Variants in SFMBT2 observed in about 807,000 individuals in gnomAD.
SFMBT2 encodes Scm like with four mbt domains 2.
Under a neutral mutation model 110.1 loss-of-function variants are expected in SFMBT2, and 38 were observed. The ratio of observed to expected loss-of-function variants is 0.35; its 90% CI spans 0.27 to 0.45. The LOEUF is 0.45. Ranked by LOEUF, SFMBT2 falls within the 20% of genes least tolerant of loss-of-function variation. The pLI, the probability that SFMBT2 is intolerant of heterozygous loss-of-function variation, is 1.00. For missense variants in SFMBT2, 1,011 were observed against 1,094.9 expected, an observed-to-expected ratio of 0.92 and a Z score of 1.08; for synonymous variants, 425 against 425.4, an observed-to-expected ratio of 1.00 and a Z score of 0.01.
chr10:7,187,648 T>C (rs900287514), intron 16 of SFMBT2, among the ~76,000 whole-genome samples: 8 of 152,230 alleles, frequency 5.3e-5, no homozygotes, highest in African/African-American at 1.7e-4. Context: ...GCAATGAATG[T>C]TGAGTGTGGC....
Position 7,366,582 on chromosome 10 carries a change from A to G in SFMBT2, c.436+1067T>C, listed in dbSNP as rs142205459. ...AAACAGGCAGCTAGCTACGAAGAGG[A>G]CACCACACACATTTGCAAGGTGGCA... On this transcript the variant is annotated intron_variant, in intron 4 of 20. Coordinates refer to ENST00000397167, the MANE Select transcript of SFMBT2 (RefSeq NM_001387889.1). 3.2e-3 allele frequency among the ~76,000 whole-genome samples: 484 copies of G among 152,302 alleles called. 1 individual carries two copies. Among genetic ancestry groups the G allele is most frequent in the African/African-American group, 0.011 (458 of 41,568 alleles).
intron 7 of SFMBT2, among the ~76,000 whole-genome samples, chr10:7,272,401 A>C (rs993276401): frequency 6.6e-6 from 1 of 152,228 alleles, no homozygotes; most frequent in Non-Finnish European, 1.5e-5. Context: ...GCTGAGCACC[A>C]ACACAGTGGC....
chr10:7,253,343 T>C (rs1840876637), intron 7 of SFMBT2, among the ~76,000 whole-genome samples: 1 of 152,218 alleles, frequency 6.6e-6, no homozygotes, highest in African/African-American at 2.4e-5. Flanking sequence ...GACTTGTAAC[T>C]GGCATCAAAG....
At chr10:7,168,386 T>C (rs1174653837) in intron 20 of SFMBT2, among the ~76,000 whole-genome samples, 1 of 152,212 alleles carries the variant, frequency 6.6e-6, no homozygotes, top group East Asian at 1.9e-4. Context: ...TAACTAAATT[T>C]TTTTTTATTG....
In SFMBT2 at chr10:7,266,175, C is replaced by T. The variant is rs189991140; in HGVS notation, c.870+10717G>A. ...CATGATCTCAGCTCACTGCAACCTC[C>T]GCCTCCCGGGTTCAAGCGATTCTCC... On this transcript the variant is annotated intron_variant, in intron 7 of 20. Coordinates refer to ENST00000397167, the MANE Select transcript of SFMBT2 (RefSeq NM_001387889.1). Among the ~76,000 whole-genome samples the T allele has an allele frequency of 3.0e-4, 45 of 152,026 alleles. No homozygotes were observed. In the East Asian group the frequency reaches 7.6e-3, roughly 26 times the overall value.
At position 7,170,816 on chromosome 10, in the gene SFMBT2, G is replaced by A. The variant is rs1300373424; in HGVS notation, c.2544+112C>T. On this transcript the variant is annotated intron_variant, in intron 20 of 20. Coordinates refer to ENST00000397167, the MANE Select transcript of SFMBT2 (RefSeq NM_001387889.1). This position sits in a 1 kb window ranked among gnomAD's most constrained non-coding sequence, Gnocchi z 4.6. ...AAGGGTCTCGCACACCTGCCGAGCA[G>A]CGCCGAAGAACCCCCTCGCAGGTGT... 1 of 1,314,998 alleles carries A rather than the reference G, an allele frequency of 7.6e-7. No individual in the cohort carries two copies. Among genetic ancestry groups the A allele is most frequent in the Non-Finnish European group, 1.1e-6 (1 of 941,500 alleles). 81.5% of individuals were successfully genotyped at this position (1,314,998 alleles called of 1,614,324 possible).
intron 2 of SFMBT2, among the ~76,000 whole-genome samples, chr10:7,377,508 G>C (rs940883818): frequency 2.2e-4 from 33 of 152,170 alleles, no homozygotes; most frequent in Non-Finnish European, 1.6e-4. Flanking sequence ...AACTCACCAT[G>C]ATATAGAATC....
At chr10:7,331,380 C>T (rs1422645892) in intron 4 of SFMBT2, among the ~76,000 whole-genome samples, 1 of 152,196 alleles carries the variant, frequency 6.6e-6, no homozygotes, top group Non-Finnish European at 1.5e-5. Context: ...GCACAATAAT[C>T]CTGAAAGACA....
chr10:7,237,466 G>T (rs913085228), intron 9 of SFMBT2, among the ~76,000 whole-genome samples: 1 of 152,128 alleles, frequency 6.6e-6, no homozygotes, highest in Non-Finnish European at 1.5e-5. Flanking sequence ...TTAATTTGAC[G>T]GTAATAAAAA....
intron 4 of SFMBT2, among the ~76,000 whole-genome samples, chr10:7,315,607 C>G (rs1842988487): frequency 6.6e-6 from 1 of 152,196 alleles, no homozygotes. Context: ...ACTTGTCAGC[C>G]TCCATCATCA....
chr10:7,407,177 G>A (rs1462895585), intron 1 of SFMBT2, among the ~76,000 whole-genome samples: 3 of 152,064 alleles, frequency 2.0e-5, no homozygotes, highest in African/African-American at 7.2e-5. Context: ...GCGGGCCTAG[G>A]GAACAATTCC....
intron 1 of SFMBT2, among the ~76,000 whole-genome samples, chr10:7,397,795 C>T (rs1251888757): frequency 2.6e-5 from 4 of 152,216 alleles, no homozygotes; most frequent in African/African-American, 9.7e-5. Flanking sequence ...CTATTATCAA[C>T]GCGAGCTTTC....
At chr10:7,206,349 C>G in intron 11 of SFMBT2, 3 of 985,400 alleles carry the variant, frequency 3.0e-6, no homozygotes, top group Non-Finnish European at 3.6e-6. Context: ...GGGCCCACAT[C>G]TAAGCCTTCA....
intron 4 of SFMBT2, among the ~76,000 whole-genome samples, chr10:7,312,371 G>A (rs1482643676): frequency 6.6e-6 from 1 of 152,204 alleles, no homozygotes; most frequent in Non-Finnish European, 1.5e-5. Context: ...GCACGAGCAC[G>A]TGATGAGTCC....
chr10:7,323,993 T>G (rs2131941395), intron 4 of SFMBT2, among the ~76,000 whole-genome samples: 1 of 152,326 alleles, frequency 6.6e-6, no homozygotes, highest in Middle Eastern at 3.4e-3. Context: ...AAATGTTATA[T>G]TTCATCTGTA....
At chr10:7,315,113 A>AAGG (rs1842973459) in intron 4 of SFMBT2, among the ~76,000 whole-genome samples, 1 of 126,520 alleles carries the variant, frequency 7.9e-6, no homozygotes, top group Non-Finnish European at 1.9e-5. Flanking sequence ...AGAAAGAAAA[A>AAGG]GCAAGCAAGC....
chr10:7,174,837 C>A (rs549559969), intron 17 of SFMBT2, among the ~76,000 whole-genome samples: 29 of 152,348 alleles, frequency 1.9e-4, no homozygotes, highest in African/African-American at 7.0e-4. Context: ...GGCCAACACA[C>A]CTGCGGGCCC....
intron 2 of SFMBT2, among the ~76,000 whole-genome samples, chr10:7,378,675 T>A (rs1845338763): frequency 7.3e-6 from 1 of 137,764 alleles, no homozygotes; most frequent in South Asian, 2.3e-4. Context: ...TGGGTGTATG[T>A]GTGGATGGGT....
intron 4 of SFMBT2, among the ~76,000 whole-genome samples, chr10:7,335,392 C>G (rs1239985801): frequency 6.6e-6 from 1 of 152,184 alleles, no homozygotes; most frequent in Non-Finnish European, 1.5e-5. Flanking sequence ...GCATCAAATG[C>G]AGACGCAGCT....
Sources: gnomAD v4.1 joint callset for allele counts (sites outside exome capture counted in the v4.1 genomes callset) on GRCh38, gnomAD v4.1.1 for gene constraint, Gnocchi (gnomAD v3.1) non-coding constraint, MANE v1.5 for transcripts, NCBI Gene and HGNC (gene_info 2026-07-23, HGNC 2026-07-21) for gene names.